Variants in TPT1 observed in about 807,000 individuals in gnomAD.
TPT1 encodes tumor protein, translationally-controlled 1.
In TPT1, 5 loss-of-function variants were observed where a neutral mutation model predicts 22.8. That is an observed-to-expected ratio of 0.22 (90% CI 0.11 to 0.46). The LOEUF is 0.46. TPT1 is among the 20% of genes least tolerant of loss of function. The pLI, the probability that TPT1 is intolerant of heterozygous loss-of-function variation, is 0.99. For synonymous variants in TPT1, 89 were observed against 73.6 expected (o/e 1.21, Z -1.07); for missense variants, 130 against 218.7 (o/e 0.59, Z 2.56).
chr13:45,338,361 G>A (rs889696881), intron 5 of TPT1: 1 of 393,260 alleles, frequency 2.5e-6, no homozygotes, highest in Admixed American at 4.7e-5. Flanking sequence ...CTCAGGTGAT[G>A]CACCCACCTC....
At chr13:45,340,305 T>G (rs1424079400) in intron 2 of TPT1, 121 bp from the exon 3 acceptor site, 2 of 1,287,150 alleles carry the variant, frequency 1.6e-6, no homozygotes, top group Admixed American at 4.5e-5. Context: ...AAAAGCACCA[T>G]TTTGGGAATA....
intron 2 of TPT1, 129 bp downstream of exon 2, chr13:45,340,583 C>T: frequency 8.5e-7 from 1 of 1,171,746 alleles, no homozygotes; most frequent in African/African-American, 1.5e-5. Context: ...TAGAAAAACC[C>T]AAGCCCGGAA....
intron 5 of TPT1, 143 bp downstream of exon 5, chr13:45,338,517 A>C (rs1287501822): frequency 7.0e-7 from 1 of 1,422,782 alleles, no homozygotes; most frequent in Admixed American, 3.1e-5. Context: ...TATGAAACAC[A>C]ATTCTCTTGA....
intron 5 of TPT1, 129 bp downstream of exon 5, chr13:45,338,531 C>T: frequency 6.9e-7 from 1 of 1,448,254 alleles, no homozygotes; most frequent in Non-Finnish European, 9.1e-7. Context: ...CTCTTGATCC[C>T]CAAAGAGAAA....
At chr13:45,340,666 G>A (rs758055034) in intron 2 of TPT1, 46 bp downstream of exon 2, 10 of 1,548,524 alleles carry the variant, frequency 6.5e-6, no homozygotes, top group Non-Finnish European at 8.7e-6. Flanking sequence ...GGAAACCCGA[G>A]CCCGCTCGGC....
At chr13:45,337,844 CTT>C (rs1878811392) in intron 5 of TPT1, among the ~76,000 whole-genome samples, 1 of 152,158 alleles carries the variant, frequency 6.6e-6, no homozygotes, top group South Asian at 2.1e-4. Flanking sequence ...TAATGAATGC[CTT>C]TGTTTCTGTA....
At chr13:45,340,572 C>T (rs978372954) in intron 2 of TPT1, 140 bp downstream of exon 2, 1 of 1,080,008 alleles carries the variant, frequency 9.3e-7, no homozygotes, top group African/African-American at 1.6e-5. Flanking sequence ...CTCCAGTTTT[C>T]TAGAAAAACC....
chr13:45,335,286 T>C lies in TPT1; in HGVS notation c.*2100A>G, dbSNP rs1287083618. On this transcript the variant is annotated 3_prime_UTR_variant, in exon 6 of 6. Transcript: ENST00000530705. The stretch of plus-strand genomic sequence containing the variant: ...TCATCACTTCTGACTTAAATAGACA[T>C]GATAAAATGCTATGTCCCAGCCTTG... The C allele has an allele frequency of 2.0e-5, 3 of 152,174 alleles. No homozygotes were observed. The highest frequency in any genetic ancestry group is 2.1e-4 in the South Asian group (1 of 4,832). 9.4% of individuals were successfully genotyped at this position (152,174 alleles called of 1,614,324 possible).
chr13:45,338,559 G>A, intron 5 of TPT1, 101 bp downstream of exon 5: 1 of 1,500,318 alleles, frequency 6.7e-7, no homozygotes, highest in Non-Finnish European at 8.9e-7. Context: ...CCATGTTTCA[G>A]AACGCTGTAA....
At chr13:45,339,883 A>G (rs1208011468) in intron 3 of TPT1, 111 bp downstream of exon 3, 1 of 1,244,428 alleles carries the variant, frequency 8.0e-7, no homozygotes, top group South Asian at 1.5e-5. Context: ...TTAATAAAAA[A>G]GCAAGGACTT....
intron 2 of TPT1, 28 bp downstream of exon 2, chr13:45,340,684 C>T (rs759966175): frequency 1.1e-5 from 17 of 1,559,670 alleles, no homozygotes; most frequent in Non-Finnish European, 1.5e-5. Flanking sequence ...GGCCCGGACT[C>T]CCCCACGCGC....
At position 45,341,157 on chromosome 13, in the gene TPT1, G is replaced by A. The variant is rs538072630; in HGVS notation, c.-88C>T. On this transcript the variant is annotated 5_prime_UTR_variant, in exon 1 of 6. Coordinates refer to ENST00000530705, the MANE Select transcript of TPT1 (RefSeq NM_003295.4). ...GCGCGGTGCAGCCGGAGCGGCGCTCGGGGGGAGGGGGGAGCGGGCGGAAAA... is the reference window on the plus strand; with the variant it reads ...GCGCGGTGCAGCCGGAGCGGCGCTCAGGGGGAGGGGGGAGCGGGCGGAAAA... 1.8e-5 allele frequency: 28 copies of A among 1,554,568 alleles called. No homozygotes were observed. Among genetic ancestry groups the A allele is most frequent in the South Asian group, 1.2e-4 (10 of 86,788 alleles).
rs1878616089 is a variant in TPT1, at chr13:45,335,524, C to G, written c.*1862G>C. 6.6e-6 allele frequency: 1 copy of G among 152,172 alleles called. No homozygotes were observed. Among genetic ancestry groups the G allele is most frequent in the African/African-American group, 2.4e-5 (1 of 41,438 alleles). 9.4% of individuals were successfully genotyped at this position (152,172 alleles called of 1,614,324 possible). ...AGGCCTTCTTCACTATCCTGGTTTCCCCAGCTTTGACCACTGCCTGAAAAT... is the reference window on the plus strand; with the variant it reads ...AGGCCTTCTTCACTATCCTGGTTTCGCCAGCTTTGACCACTGCCTGAAAAT... On this transcript the variant is annotated 3_prime_UTR_variant, in exon 6 of 6. Transcript: ENST00000530705.
intron 2 of TPT1, 69 bp downstream of exon 2, chr13:45,340,643 G>T: frequency 6.6e-7 from 1 of 1,510,252 alleles, no homozygotes; most frequent in Non-Finnish European, 9.0e-7. Context: ...ACAACCTCAG[G>T]CGGGGGAGCG....
chr13:45,336,273 G>C lies in TPT1; in HGVS notation c.*1113C>G, dbSNP rs1878685510. The C allele has an allele frequency of 6.6e-6, 1 of 152,194 alleles. No individual in the cohort carries two copies. Among genetic ancestry groups the C allele is most frequent in the Non-Finnish European group, 1.5e-5 (1 of 68,066 alleles). The allele number at this position is 152,194 out of a possible 1,614,324, so 9.4% of individuals were successfully genotyped here. A position where few individuals can be genotyped will look rare whatever the true frequency, so the allele number is the denominator to read the frequency against. ...CTTGTGCCACTGCACTACAAGCCTG[G>C]GTGACCGACCTGCCTCAAAAACTCT... On this transcript the variant is annotated 3_prime_UTR_variant, in exon 6 of 6. Coordinates refer to ENST00000530705, the MANE Select transcript of TPT1 (RefSeq NM_003295.4).
rs753199023 is a variant in TPT1 at position 45,338,649 on chromosome 13, C to T, written c.516+11G>A. On this transcript the variant is annotated intron_variant, in intron 5 of 5. Coordinates refer to ENST00000530705, the MANE Select transcript of TPT1 (RefSeq NM_003295.4). ...TACATTATTTATTTTAACCCACTTC[C>T]TTGTACTTACACATTTTTCCATTTC... is the stretch of plus-strand genomic sequence containing the variant. 1 of 1,611,270 alleles carries T rather than the reference C, an allele frequency of 6.2e-7. No individual in the cohort carries two copies. The highest frequency in any genetic ancestry group is 8.5e-7 in the Non-Finnish European group (1 of 1,179,332).
At chr13:45,340,360 G>A in intron 2 of TPT1, 176 bp from the exon 3 acceptor site, 1 of 961,386 alleles carries the variant, frequency 1.0e-6, no homozygotes, top group Non-Finnish European at 1.6e-6. Flanking sequence ...ACTTAAAAGA[G>A]TTGTCTGTTG....
In TPT1 at chr13:45,336,054, G is replaced by A. The variant is rs1176911244; in HGVS notation, c.*1332C>T. 2.0e-5 allele frequency: 3 copies of A among 152,176 alleles called. No homozygotes were observed. The highest frequency in any genetic ancestry group is 7.2e-5 in the African/African-American group (3 of 41,430). 9.4% of individuals were successfully genotyped at this position (152,176 alleles called of 1,614,324 possible). On this transcript the variant is annotated 3_prime_UTR_variant, in exon 6 of 6. Transcript: ENST00000530705. ...TTTGAAAATTCCCCTCCCAGGCTAG[G>A]CCTGCACTTTGGGAGGCTGAGGTGG...
chr13:45,339,773 G>T, intron 3 of TPT1, 171 bp from the exon 4 acceptor site: 1 of 759,248 alleles, frequency 1.3e-6, no homozygotes, highest in Non-Finnish European at 2.1e-6. Context: ...ATTTCTTGTT[G>T]ACTATTTTCA....
Sources: gnomAD v4.1 joint callset for allele counts (sites outside exome capture counted in the v4.1 genomes callset) on GRCh38, gnomAD v4.1.1 for gene constraint, MANE v1.5 for transcripts, NCBI Gene and HGNC (gene_info 2026-07-23, HGNC 2026-07-21) for gene names.